ST3GAL1: variants seen among roughly 807,000 people sequenced by gnomAD.
ST3GAL1 encodes CMP-N-acetylneuraminate-beta-galactosamide-alpha-2,3-sialyltransferase 1.
ST3GAL1 carries 16 observed loss-of-function variants against 34.1 expected under a neutral mutation model. The observed-to-expected ratio is 0.47, with a 90% CI of 0.32 to 0.71. The LOEUF is 0.71. ST3GAL1 is among the 30% of genes least tolerant of loss of function. The pLI is 0.04. For missense variants in ST3GAL1, 353 were observed against 447.4 expected (o/e 0.79, Z 1.90); for synonymous variants, 191 against 184.7 (o/e 1.03, Z -0.28).
intron 1 of ST3GAL1, among the ~76,000 whole-genome samples, chr8:133,555,414 A>G (rs898092411): frequency 6.6e-6 from 1 of 152,086 alleles, no homozygotes; most frequent in Non-Finnish European, 1.5e-5. Flanking sequence ...TCTGTTCTCA[A>G]ACCCCAGAGA....
chr8:133,551,207 C>A (rs1168925697), intron 1 of ST3GAL1, among the ~76,000 whole-genome samples: 1 of 152,148 alleles, frequency 6.6e-6, no homozygotes, highest in African/African-American at 2.4e-5. Flanking sequence ...TGGTGACTCA[C>A]ATCTGTAATC....
chr8:133,510,157 C>A (rs887864815), intron 2 of ST3GAL1, among the ~76,000 whole-genome samples: 1 of 152,078 alleles, frequency 6.6e-6, no homozygotes, highest in Non-Finnish European at 1.5e-5. Flanking sequence ...GCATCACACA[C>A]CTGTTTTCAG....
chr8:133,548,613 T>C (rs1227775575), intron 1 of ST3GAL1, among the ~76,000 whole-genome samples: 2 of 152,228 alleles, frequency 1.3e-5, no homozygotes, highest in Non-Finnish European at 2.9e-5. Flanking sequence ...ACCACACTTC[T>C]AAGATGTTTT....
intron 1 of ST3GAL1, among the ~76,000 whole-genome samples, chr8:133,549,613 A>G (rs1279560215): frequency 6.6e-6 from 1 of 152,024 alleles, no homozygotes; most frequent in Non-Finnish European, 1.5e-5. Flanking sequence ...TAAGTTGGCA[A>G]TGGCATTGGA....
intron 1 of ST3GAL1, among the ~76,000 whole-genome samples, chr8:133,562,543 C>T (rs1028154392): frequency 2.6e-5 from 4 of 152,080 alleles, no homozygotes; most frequent in Non-Finnish European, 5.9e-5. Flanking sequence ...TCAGGAGGAC[C>T]GTCAGAAGAG....
intron 1 of ST3GAL1, among the ~76,000 whole-genome samples, chr8:133,548,552 G>A (rs1407852612): frequency 1.3e-5 from 2 of 152,230 alleles, no homozygotes; most frequent in African/African-American, 4.8e-5. Flanking sequence ...GCATGTGGGA[G>A]AAGGCCTATT....
chr8:133,541,054 GACATATATATAT>G (rs2131065582), intron 2 of ST3GAL1, among the ~76,000 whole-genome samples: 1 of 85,100 alleles, frequency 1.2e-5, no homozygotes, highest in Non-Finnish European at 2.0e-5. Flanking sequence ...CATATATATA[GACATATATATAT>G]AGACATATAT....
chr8:133,512,417 G>T (rs995824740), intron 2 of ST3GAL1, among the ~76,000 whole-genome samples: 2 of 152,230 alleles, frequency 1.3e-5, no homozygotes, highest in African/African-American at 4.8e-5. Context: ...GCTGGCAGCT[G>T]ATTAGATGGT....
intron 1 of ST3GAL1, among the ~76,000 whole-genome samples, chr8:133,560,485 G>A (rs145049233): frequency 4.6e-5 from 7 of 152,326 alleles, no homozygotes; most frequent in African/African-American, 1.4e-4. Context: ...GGCTTTGGGA[G>A]AATGAAGCTG....
chr8:133,545,026 C>T (rs934117017), intron 2 of ST3GAL1, among the ~76,000 whole-genome samples: 1 of 152,200 alleles, frequency 6.6e-6, no homozygotes, highest in Non-Finnish European at 1.5e-5. Flanking sequence ...TAAAAATGTC[C>T]TCTCTCTGCA....
intron 9 of ST3GAL1, among the ~76,000 whole-genome samples, chr8:133,460,287 G>A (rs1246001291): frequency 2.6e-5 from 4 of 152,172 alleles, no homozygotes; most frequent in Non-Finnish European, 5.9e-5. Flanking sequence ...GGCGTGGAAT[G>A]GAAGAGAGTG....
chr8:133,526,763 G>A (rs998136645), intron 2 of ST3GAL1, among the ~76,000 whole-genome samples: 70 of 152,114 alleles, frequency 4.6e-4, no homozygotes, highest in African/African-American at 1.7e-3. Flanking sequence ...TTAGAAGAGA[G>A]GTCATTGGAT....
intron 5 of ST3GAL1, among the ~76,000 whole-genome samples, chr8:133,473,576 A>G (rs931758758): frequency 3.9e-5 from 6 of 152,218 alleles, no homozygotes; most frequent in African/African-American, 1.4e-4. Context: ...TACAGGGGGA[A>G]TCAGATCCAG....
chr8:133,546,864 T>G (rs1443414819), intron 1 of ST3GAL1, among the ~76,000 whole-genome samples: 1 of 151,982 alleles, frequency 6.6e-6, no homozygotes. Context: ...CCAGGTGTGG[T>G]GGCACATGGC....
intron 2 of ST3GAL1, among the ~76,000 whole-genome samples, chr8:133,540,337 T>C (rs931171455): frequency 6.6e-6 from 1 of 152,174 alleles, no homozygotes; most frequent in Admixed American, 6.5e-5. Context: ...TGTCCTCTTA[T>C]CTAGTCAGAG....
chr8:133,482,600 T>A (rs951093750), intron 3 of ST3GAL1, among the ~76,000 whole-genome samples: 4 of 152,208 alleles, frequency 2.6e-5, no homozygotes, highest in East Asian at 3.9e-4. Flanking sequence ...CCAGGCCAGC[T>A]CTGCACAGAC....
intron 2 of ST3GAL1, among the ~76,000 whole-genome samples, chr8:133,510,105 C>A (rs1397190338): frequency 1.3e-5 from 2 of 151,342 alleles, no homozygotes; most frequent in Admixed American, 6.6e-5. Flanking sequence ...GCTCTTCACA[C>A]TTCTCTCTGG....
intron 3 of ST3GAL1, among the ~76,000 whole-genome samples, chr8:133,480,462 G>C (rs1426340412): frequency 6.6e-6 from 1 of 152,116 alleles, no homozygotes; most frequent in Non-Finnish European, 1.5e-5. Flanking sequence ...CACAGGCTGG[G>C]ATGCCCTCCC....
chr8:133,557,045 C>T (rs1819056449), intron 1 of ST3GAL1, among the ~76,000 whole-genome samples: 2 of 152,174 alleles, frequency 1.3e-5, no homozygotes, highest in South Asian at 4.1e-4. Flanking sequence ...GACCTTCAGG[C>T]AATGGCCAAC....
Sources: allele counts gnomAD v4.1 joint callset (sites outside exome capture counted in the v4.1 genomes callset), GRCh38; gene constraint gnomAD v4.1.1; transcripts MANE v1.5; gene names NCBI Gene and HGNC (gene_info 2026-07-23, HGNC 2026-07-21).